The following LRRK1 variants were observed in gnomAD, a reference collection of about 807,000 sequenced individuals.
LRRK1 encodes leucine rich repeat kinase 1, also known as leucine-rich repeat serine/threonine-protein kinase 1.
LRRK1 carries 113 observed loss-of-function variants against 209.1 expected under a neutral mutation model. The observed-to-expected ratio is 0.54, with a 90% CI of 0.46 to 0.63. The LOEUF (loss-of-function observed/expected upper bound fraction) is 0.63. Among genes scored for constraint, LRRK1 ranks in the 30% least tolerant of loss-of-function variants. The pLI, the probability that LRRK1 is intolerant of heterozygous loss-of-function variation, is 0.00. For synonymous variants in LRRK1, 1,144 were observed against 1,099.7 expected (o/e 1.04, Z -0.80); for missense variants, 2,284 against 2,632.2 (o/e 0.87, Z 2.89).
intron 2 of LRRK1, among the ~76,000 whole-genome samples, chr15:100,939,538 T>C (rs112333198): frequency 0.013 from 1,933 of 152,344 alleles, 25 homozygotes; most frequent in Admixed American, 0.017. Flanking sequence ...TTTTTAATGA[T>C]TTTCAGTGGT....
intron 2 of LRRK1, among the ~76,000 whole-genome samples, chr15:100,926,556 G>A (rs1389756041): frequency 6.8e-6 from 1 of 146,762 alleles, no homozygotes; most frequent in Non-Finnish European, 1.5e-5. Context: ...AAACCGGCAG[G>A]GCCCTGGCAC....
At chr15:101,009,110 C>CACA in intron 7 of LRRK1, 47 bp downstream of exon 7, 1 of 1,391,916 alleles carries the variant, frequency 7.2e-7, no homozygotes, top group Non-Finnish European at 1.0e-6. Context: ...CCCGCTGTCA[C>CACA]CGTTGTGCTC....
chr15:100,960,713 G>C (rs1436881040), intron 2 of LRRK1, among the ~76,000 whole-genome samples: 1 of 152,072 alleles, frequency 6.6e-6, no homozygotes, highest in African/African-American at 2.4e-5. Context: ...GTGTCCCCAG[G>C]GTCCAGCTCA....
In LRRK1 at chr15:101,022,617, C is replaced by T. The variant is rs781022287; in HGVS notation, c.2067+20C>T. The stretch of plus-strand genomic sequence containing the variant: ...GCCAAGGTCAAGGATGGTCTGCGTG[C>T]AGAGTCCCTGTGGGTGGGAGGAACA... On this transcript the variant is annotated intron_variant, in intron 15 of 33. Coordinates refer to ENST00000388948, the MANE Select transcript of LRRK1 (RefSeq NM_024652.6). The surrounding 1 kb of genome is among the most constrained non-coding windows in gnomAD (Gnocchi z 4.0). The T allele has an allele frequency of 2.6e-6, 4 of 1,546,412 alleles. No homozygotes were observed.
chr15:101,000,675 C>G (rs2141681916), intron 6 of LRRK1, among the ~76,000 whole-genome samples: 1 of 152,314 alleles, frequency 6.6e-6, no homozygotes, highest in Non-Finnish European at 1.5e-5. Flanking sequence ...CATCTGCTGT[C>G]TTCTCCCTGT....
chr15:101,062,472 A>T (rs559989089), intron 30 of LRRK1, 102 bp from the exon 31 acceptor site: 1 of 819,712 alleles, frequency 1.2e-6, no homozygotes, highest in East Asian at 2.4e-5. Context: ...TCCAAGACCC[A>T]TAGGGGATCC....
chr15:100,976,468 C>T (rs1043648181), intron 3 of LRRK1, among the ~76,000 whole-genome samples: 3 of 152,100 alleles, frequency 2.0e-5, no homozygotes, highest in Non-Finnish European at 4.4e-5. Context: ...GCAAATAAAA[C>T]AAAAATGAAG....
chr15:100,969,487 T>G (rs12148684), intron 2 of LRRK1, among the ~76,000 whole-genome samples: 105,623 of 151,892 alleles, frequency 0.7, 37,116 homozygotes, highest in Middle Eastern at 0.76. Context: ...TATTTTTTCT[T>G]TTTTTTCAAG....
intron 2 of LRRK1, among the ~76,000 whole-genome samples, chr15:100,929,302 G>A (rs566563046): frequency 6.6e-6 from 1 of 152,010 alleles, no homozygotes; most frequent in African/African-American, 2.4e-5. Flanking sequence ...AGTGGCCGTC[G>A]CTTCGGTCCT....
Position 101,065,688 on chromosome 15 carries a change from G to A in LRRK1, c.5251G>A (p.Val1751Ile), listed in dbSNP as rs373452117. ...CSSEGRGEEVVWCLDDKANSL... is the reference protein window; with the variant it reads ...CSSEGRGEEVIWCLDDKANSL... Reference sequence around the variant, plus strand: ...CTCTGAGGGCAGAGGGGAGGAGGTCGTCTGGTGCCTGGATGACAAGGCCAA... The same window carrying A: ...CTCTGAGGGCAGAGGGGAGGAGGTCATCTGGTGCCTGGATGACAAGGCCAA... The change falls in exon 32 of 34, where the codon GTC becomes ATC. Residue 1751 changes from valine to isoleucine, a missense_variant. Coordinates refer to ENST00000388948, the MANE Select transcript of LRRK1 (RefSeq NM_024652.6). The A allele has an allele frequency of 4.6e-5, 75 of 1,613,956 alleles. No individual in the cohort carries two copies. The highest frequency in any genetic ancestry group is 1.8e-4 in the Admixed American group (11 of 59,998).
chr15:101,058,059 T>C lies in LRRK1; in HGVS notation c.4597T>C (p.Cys1533Arg), dbSNP rs2141146653. ...TTTTGCCACCTTCATGTATGAACTG[T>C]GCTGTGGGAAGCAGACAGCCTTCTT... is the stretch of plus-strand genomic sequence containing the variant. ...PTFATFMYELCCGKQTAFFSS... is the reference protein window; with the variant it reads ...PTFATFMYELRCGKQTAFFSS... The change falls in exon 29 of 34, where the codon TGC becomes CGC. Residue 1533 changes from cysteine (C) to arginine (R), a missense_variant. Physicochemically the swap from Cys to Arg is radical, Grantham distance 180 (BLOSUM62 -3). Around this residue, in one of 6 missense-constraint regions of LRRK1, gnomAD observed 643 missense variants for 695.9 expected, o/e 0.92. Coordinates refer to ENST00000388948, the MANE Select transcript of LRRK1 (RefSeq NM_024652.6). 1 of 1,614,146 alleles carries C rather than the reference T, an allele frequency of 6.2e-7. No homozygotes were observed. Among genetic ancestry groups the C allele is most frequent in the Non-Finnish European group, 8.5e-7 (1 of 1,180,004 alleles).
chr15:100,947,487 AT>A (rs1322988124), intron 2 of LRRK1, among the ~76,000 whole-genome samples: 6 of 152,150 alleles, frequency 3.9e-5, no homozygotes, highest in African/African-American at 1.4e-4. Context: ...CTTTATATAT[AT>A]TTTTTATTCT....
intron 4 of LRRK1, 94 bp downstream of exon 4, chr15:100,983,793 T>A: frequency 7.9e-7 from 1 of 1,259,602 alleles, no homozygotes; most frequent in Non-Finnish European, 1.2e-6. Context: ...CTTTCACCAA[T>A]AATGAGATCA....
At position 101,072,168 on chromosome 15, in the gene LRRK1, T is replaced by C. The variant is rs1166999906; in HGVS notation, c.*3320T>C. 1 of 152,238 alleles carries C rather than the reference T, an allele frequency of 6.6e-6. No individual in the cohort carries two copies. Among genetic ancestry groups the C allele is most frequent in the Non-Finnish European group, 1.5e-5 (1 of 68,042 alleles). The allele number at this position is 152,238 out of a possible 1,614,324, so 9.4% of individuals were successfully genotyped here. On this transcript the variant is annotated 3_prime_UTR_variant, in exon 34 of 34. Coordinates refer to ENST00000388948, the MANE Select transcript of LRRK1 (RefSeq NM_024652.6). The stretch of plus-strand genomic sequence containing the variant: ...GTTGGAGGCTACCCCTTGGAGGGCA[T>C]TCTGGACTTATCTACCAAAATTTCA...
intron 9 of LRRK1, among the ~76,000 whole-genome samples, chr15:101,011,092 A>T (rs2033215283): frequency 6.6e-6 from 1 of 152,174 alleles, no homozygotes; most frequent in Admixed American, 6.5e-5. Context: ...AACTTTACCC[A>T]GGGACAGCTT....
Position 101,027,915 on chromosome 15 carries a change from C to G in LRRK1, c.2686+118C>G, listed in dbSNP as rs2034116032. The stretch of plus-strand genomic sequence containing the variant: ...GACCGACACCCAGCCTGCGTTTCTG[C>G]CTTCCATCCCCCTCCCCTTCCTTCT... On this transcript the variant is annotated intron_variant, in intron 19 of 33. Coordinates refer to ENST00000388948, the MANE Select transcript of LRRK1 (RefSeq NM_024652.6). The surrounding 1 kb of genome is among the most constrained non-coding windows in gnomAD (Gnocchi z 5.1). 3 of 881,614 alleles carry G rather than the reference C, an allele frequency of 3.4e-6. No homozygotes were observed. The South Asian group carries it at 5.4e-5, about 16-fold the overall frequency. The allele number at this position is 881,614 out of a possible 1,614,324, so 54.6% of individuals were successfully genotyped here.
At chr15:100,950,351 A>T (rs1353634088) in intron 2 of LRRK1, among the ~76,000 whole-genome samples, 2 of 152,276 alleles carry the variant, frequency 1.3e-5, no homozygotes, top group Non-Finnish European at 2.9e-5. Flanking sequence ...AAAGAACCTG[A>T]ATAAATGAAA....
intron 20 of LRRK1, among the ~76,000 whole-genome samples, chr15:101,031,246 G>C (rs10902590): frequency 0.96 from 146,461 of 152,342 alleles, 70,657 homozygotes; most frequent in Non-Finnish European, 1. Flanking sequence ...CATACTGGAA[G>C]TTCCGCCAGA....
intron 2 of LRRK1, among the ~76,000 whole-genome samples, chr15:100,933,409 T>A (rs1230797476): frequency 6.6e-6 from 1 of 152,234 alleles, no homozygotes; most frequent in South Asian, 2.1e-4. Context: ...TGATAATATT[T>A]TTCTCTTCTG....
Sources: allele counts gnomAD v4.1 joint callset (sites outside exome capture counted in the v4.1 genomes callset), GRCh38; gene constraint gnomAD v4.1.1; regional missense constraint gnomAD v4.1.1; non-coding constraint Gnocchi (gnomAD v3.1); transcripts MANE v1.5; gene names NCBI Gene and HGNC (gene_info 2026-07-23, HGNC 2026-07-21).